The following USP25 variants were observed in gnomAD, a reference collection of about 807,000 sequenced individuals.
The protein encoded by USP25 is ubiquitin carboxyl-terminal hydrolase 25.
In USP25, 85 loss-of-function variants were observed where a neutral mutation model predicts 158.5. The observed-to-expected ratio is 0.54, with a 90% confidence interval of 0.45 to 0.64. The LOEUF (loss-of-function observed/expected upper bound fraction) is 0.64, where lower values mean the gene tolerates loss of function less well. Ranked by LOEUF, USP25 falls within the 30% of genes least tolerant of loss-of-function variation. USP25 has a pLI of 0.00. For synonymous variants in USP25, 464 were observed against 460.4 expected (o/e 1.01, Z -0.10); for missense variants, 1,242 against 1,327.3 (o/e 0.94, Z 1.00).
intron 22 of USP25, among the ~76,000 whole-genome samples, chr21:15,868,455 T>C (rs188603007): frequency 1.1e-4 from 16 of 152,226 alleles, no homozygotes; most frequent in African/African-American, 3.9e-4. Flanking sequence ...CTGCAATGCT[T>C]CCTTCAGTTT....
chr21:15,745,860 A>G (rs973926025), intron 1 of USP25, among the ~76,000 whole-genome samples: 12 of 152,142 alleles, frequency 7.9e-5, no homozygotes, highest in Non-Finnish European at 1.6e-4. Flanking sequence ...TAGGTTTACG[A>G]TCCATTTGGA....
At chr21:15,765,420 A>T (rs2033983825) in intron 2 of USP25, among the ~76,000 whole-genome samples, 1 of 152,060 alleles carries the variant, frequency 6.6e-6, no homozygotes, top group Non-Finnish European at 1.5e-5. Context: ...TATCTATTTA[A>T]TTTGAGCAGG....
chr21:15,763,083 C>A, intron 2 of USP25, 115 bp downstream of exon 2: 1 of 896,016 alleles, frequency 1.1e-6, no homozygotes, highest in South Asian at 2.6e-5. Context: ...TTTAGAGATA[C>A]AGGAATGGAC....
At chr21:15,794,529 G>A (rs1302899030) in intron 5 of USP25, among the ~76,000 whole-genome samples, 1 of 150,098 alleles carries the variant, frequency 6.7e-6, no homozygotes, top group Non-Finnish European at 1.5e-5. Flanking sequence ...CTGTAGCTCT[G>A]GGACATGTCG....
chr21:15,872,199 T>A (rs1460007250), intron 23 of USP25, among the ~76,000 whole-genome samples: 1 of 152,000 alleles, frequency 6.6e-6, no homozygotes, highest in Non-Finnish European at 1.5e-5. Flanking sequence ...TGAAGTGAAA[T>A]CATGGTTGCA....
At chr21:15,876,947 T>C (rs1004994806) in intron 24 of USP25, 1 of 152,230 alleles carries the variant, frequency 6.6e-6, no homozygotes, top group African/African-American at 2.4e-5. Flanking sequence ...ATAGGTCTTA[T>C]ACCTGTATTT....
intron 1 of USP25, among the ~76,000 whole-genome samples, chr21:15,754,710 A>T (rs560020044): frequency 5.3e-4 from 80 of 152,314 alleles, no homozygotes; most frequent in African/African-American, 1.9e-3. Flanking sequence ...TAGCATGCAG[A>T]GGTCCTTTAA....
chr21:15,859,109 T>C (rs2039294355), intron 20 of USP25, among the ~76,000 whole-genome samples: 1 of 149,720 alleles, frequency 6.7e-6, no homozygotes, highest in Non-Finnish European at 1.5e-5. Context: ...TATTTGTCAA[T>C]TTTGGATATA....
intron 1 of USP25, among the ~76,000 whole-genome samples, chr21:15,732,313 G>A (rs7279157): frequency 0.23 from 35,397 of 152,002 alleles, 5,616 homozygotes; most frequent in African/African-American, 0.46. Context: ...TTGTTTTACA[G>A]AAGAAACACT....
At chr21:15,827,589 A>T (rs1459834367) in intron 14 of USP25, among the ~76,000 whole-genome samples, 1 of 152,230 alleles carries the variant, frequency 6.6e-6, no homozygotes, top group East Asian at 1.9e-4. Flanking sequence ...TGATTAAAAA[A>T]TTTTCTTTGG....
At chr21:15,741,985 C>G (rs1379220240) in intron 1 of USP25, among the ~76,000 whole-genome samples, 1 of 151,678 alleles carries the variant, frequency 6.6e-6, no homozygotes, top group African/African-American at 2.4e-5. Context: ...ACACCGTGTA[C>G]AAAAATAATT....
At chr21:15,735,998 GTGTGTA>G (rs1283178723) in intron 1 of USP25, among the ~76,000 whole-genome samples, 6 of 151,678 alleles carry the variant, frequency 4.0e-5, no homozygotes, top group African/African-American at 1.5e-4. Flanking sequence ...GTGTGTGTGT[GTGTGTA>G]TGTATGTACA....
intron 1 of USP25, among the ~76,000 whole-genome samples, chr21:15,761,218 G>T (rs78943303): frequency 0.017 from 2,550 of 152,234 alleles, 74 homozygotes; most frequent in African/African-American, 0.057. Context: ...CCTATTATTG[G>T]TAATACTAAC....
intron 20 of USP25, 140 bp downstream of exon 20, chr21:15,850,012 G>A (rs1024655551): frequency 3.4e-6 from 2 of 590,470 alleles, no homozygotes; most frequent in African/African-American, 1.9e-5. Context: ...GATATCCTAG[G>A]GTTTTATTTT....
At position 15,826,984 on chromosome 21, in the gene USP25, GAAC is replaced by G; in HGVS notation, c.1479_1481del (p.Gln494del). On this transcript the variant is annotated inframe_deletion, in exon 14 of 26. Transcript: ENST00000400183. This position sits in a 1 kb window ranked among gnomAD's most constrained non-coding sequence, Gnocchi z 4.8. The stretch of plus-strand genomic sequence containing the variant: ...CTCTATGCTTTGATACAGCACAACA[GAAC>G]AACAGGGAGCCCTATCTTCAGAACT... 1 of 1,613,428 alleles carries G rather than the reference GAAC, an allele frequency of 6.2e-7. No individual in the cohort carries two copies. Among genetic ancestry groups the G allele is most frequent in the Non-Finnish European group, 8.5e-7 (1 of 1,180,000 alleles).
At chr21:15,823,319 C>CT (rs1343358071) in intron 10 of USP25, among the ~76,000 whole-genome samples, 1 of 150,756 alleles carries the variant, frequency 6.6e-6, no homozygotes, top group Non-Finnish European at 1.5e-5. Context: ...GAATTTCATG[C>CT]TTAATTGAAC....
At chr21:15,746,880 G>T (rs535268383) in intron 1 of USP25, among the ~76,000 whole-genome samples, 1 of 152,118 alleles carries the variant, frequency 6.6e-6, no homozygotes, top group East Asian at 1.9e-4. Flanking sequence ...AATAGAAGTG[G>T]TAATGACAGA....
intron 18 of USP25, among the ~76,000 whole-genome samples, chr21:15,844,337 A>G (rs2038479160): frequency 6.6e-6 from 1 of 152,148 alleles, no homozygotes; most frequent in African/African-American, 2.4e-5. Context: ...ATTTTGGAAT[A>G]TTAGTTTTAT....
intron 20 of USP25, among the ~76,000 whole-genome samples, chr21:15,853,202 A>C (rs974714996): frequency 2.6e-5 from 4 of 151,524 alleles, no homozygotes; most frequent in African/African-American, 9.8e-5. Flanking sequence ...TTTGTAACTT[A>C]TATCACTCAG....
Sources: allele counts gnomAD v4.1 joint callset (sites outside exome capture counted in the v4.1 genomes callset), GRCh38; gene constraint gnomAD v4.1.1; non-coding constraint Gnocchi (gnomAD v3.1); transcripts MANE v1.5; gene names NCBI Gene and HGNC (gene_info 2026-07-23, HGNC 2026-07-21).